Variants in CSMD1 observed in about 807,000 individuals in gnomAD.
CSMD1 encodes CUB and Sushi multiple domains 1.
Under a neutral mutation model 417.5 loss-of-function variants are expected in CSMD1, and 213 were observed. The ratio of observed to expected loss-of-function variants is 0.51; its 90% CI spans 0.46 to 0.57. The LOEUF (loss-of-function observed/expected upper bound fraction) is 0.57, where lower values mean the gene tolerates loss of function less well. Ranked by LOEUF, CSMD1 falls within the 20% of genes least tolerant of loss-of-function variation. CSMD1 has a pLI of 0.00. For missense variants in CSMD1, 6,923 were observed against 4,529.7 expected (o/e 1.53, Z -15.17); for synonymous variants, 2,862 against 1,736.8 (o/e 1.65, Z -16.11).
intron 3 of CSMD1, among the ~76,000 whole-genome samples, chr8:4,245,966 G>C (rs1321050932): frequency 6.6e-6 from 1 of 152,088 alleles, no homozygotes; most frequent in Non-Finnish European, 1.5e-5. Flanking sequence ...CAATCTATCA[G>C]GGCCGTGGAC....
Position 4,912,135 on chromosome 8 carries a change from A to AAAAAAAAG in CSMD1, c.85+82196_85+82197insCTTTTTTT, listed in dbSNP as rs765904838. Reference sequence around the variant, plus strand: ...TCAACATAGCTTCAAAAAAAAAAAAAAAAAAAGAAAGAAAGAAAAGAAAAG... The same window carrying AAAAAAAAG: ...TCAACATAGCTTCAAAAAAAAAAAAAAAAAAAAGAAAAAAGAAAGAAAGAAAAGAAAAG... On this transcript the variant is annotated intron_variant, in intron 1 of 69. Transcript: ENST00000635120. Among the ~76,000 whole-genome samples, 22 of 115,648 alleles carry AAAAAAAAG rather than the reference A, an allele frequency of 1.9e-4. 1 individual carries two copies. The highest frequency in any genetic ancestry group is 4.4e-4 in the East Asian group (2 of 4,530). 75.9% of individuals were successfully genotyped at this position (115,648 alleles called of 152,430 possible).
intron 1 of CSMD1, among the ~76,000 whole-genome samples, chr8:4,929,015 G>C (rs187507564): frequency 6.6e-6 from 1 of 152,254 alleles, no homozygotes; most frequent in Non-Finnish European, 1.5e-5. Context: ...AGGTTGCAGT[G>C]AGCCGAGATT....
chr8:4,047,277 G>A (rs960992561), intron 3 of CSMD1, among the ~76,000 whole-genome samples: 1 of 152,156 alleles, frequency 6.6e-6, no homozygotes, highest in East Asian at 1.9e-4. Flanking sequence ...TCTGGAGTGG[G>A]AGGAAGGGAG....
intron 7 of CSMD1, among the ~76,000 whole-genome samples, chr8:3,625,050 G>C (rs148011140): frequency 1.3e-3 from 196 of 150,492 alleles, no homozygotes; most frequent in Non-Finnish European, 2.2e-3. Context: ...CATCCTACGA[G>C]ACATTTCTAC....
In CSMD1 at chr8:4,120,609, A is replaced by G. The variant is rs1802432084; in HGVS notation, c.416-88510T>C. ...TGTGGCCTCACACTTTTGGGTGCCA[A>G]ATAGACAGTCTGTGTACCTGCCACT... On this transcript the variant is annotated intron_variant, in intron 3 of 69. Coordinates refer to ENST00000635120, the MANE Select transcript of CSMD1 (RefSeq NM_033225.6). 3.3e-5 allele frequency among the ~76,000 whole-genome samples: 5 copies of G among 152,214 alleles called. No individual in the cohort carries two copies. The South Asian group carries it at 8.3e-4, about 25-fold the overall frequency.
chr8:4,673,510 A>G (rs1805480986), intron 1 of CSMD1, among the ~76,000 whole-genome samples: 1 of 152,144 alleles, frequency 6.6e-6, no homozygotes, highest in Middle Eastern at 3.2e-3. Context: ...TTTTGTTGGA[A>G]GAGTTTCCTA....
At chr8:4,308,151 C>A (rs115917621) in intron 3 of CSMD1, among the ~76,000 whole-genome samples, 6 of 152,234 alleles carry the variant, frequency 3.9e-5, no homozygotes, top group African/African-American at 1.4e-4. Context: ...GAAACAAGAG[C>A]GTTTCTTCGA....
chr8:4,236,359 A>G (rs189047030), intron 3 of CSMD1, among the ~76,000 whole-genome samples: 2 of 152,236 alleles, frequency 1.3e-5, no homozygotes, highest in Non-Finnish European at 2.9e-5. Flanking sequence ...CCAAGATTTC[A>G]TCCCCACTCG....
At chr8:4,480,898 T>A (rs1423221747) in intron 2 of CSMD1, among the ~76,000 whole-genome samples, 2 of 152,168 alleles carry the variant, frequency 1.3e-5, no homozygotes, top group Admixed American at 6.5e-5. Context: ...CTGGGGTACA[T>A]CCCTAGTTGT....
intron 26 of CSMD1, among the ~76,000 whole-genome samples, chr8:3,247,883 A>T (rs1003492704): frequency 6.6e-6 from 1 of 152,212 alleles, no homozygotes; most frequent in African/African-American, 2.4e-5. Context: ...ATCTCCATGG[A>T]ATCCATGCAT....
At chr8:3,751,982 G>C (rs903311542) in intron 6 of CSMD1, among the ~76,000 whole-genome samples, 34 of 152,274 alleles carry the variant, frequency 2.2e-4, no homozygotes, top group African/African-American at 8.2e-4. Context: ...TCTGGTACGG[G>C]ATGGACATAT....
rs540551617 is a variant in CSMD1 at position 4,020,607 on chromosome 8, C to G, written c.610+11298G>C. Among the ~76,000 whole-genome samples, 3 of 152,262 alleles carry G rather than the reference C, an allele frequency of 2.0e-5. No individual in the cohort carries two copies. The East Asian group carries it at 5.8e-4, about 29-fold the overall frequency. On this transcript the variant is annotated intron_variant, in intron 4 of 69. Transcript: ENST00000635120. ...CTCCAATTCTCTTATGGTAAGAGATCAAAACTGCTAGGTCCCTAGAATCAC... is the reference window on the plus strand; with the variant it reads ...CTCCAATTCTCTTATGGTAAGAGATGAAAACTGCTAGGTCCCTAGAATCAC...
intron 5 of CSMD1, among the ~76,000 whole-genome samples, chr8:3,757,502 G>A (rs766085606): frequency 2.2e-4 from 33 of 152,116 alleles, no homozygotes; most frequent in Non-Finnish European, 4.4e-5. Context: ...GCCACTCTTA[G>A]CTGATGGGCC....
intron 1 of CSMD1, among the ~76,000 whole-genome samples, chr8:4,785,729 T>C (rs987939035): frequency 6.6e-6 from 1 of 152,138 alleles, no homozygotes; most frequent in African/African-American, 2.4e-5. Context: ...ATAGAGCACA[T>C]CTTACTCTCA....
At chr8:2,976,654 T>G (rs1804956517) in intron 55 of CSMD1, among the ~76,000 whole-genome samples, 2 of 152,224 alleles carry the variant, frequency 1.3e-5, no homozygotes, top group Non-Finnish European at 2.9e-5. Context: ...TGGCCTCCAC[T>G]TTCTTTATGG....
intron 2 of CSMD1, among the ~76,000 whole-genome samples, chr8:4,490,664 C>G (rs1247839317): frequency 6.6e-6 from 1 of 152,024 alleles, no homozygotes; most frequent in African/African-American, 2.4e-5. Context: ...TCAGAATGGT[C>G]TTAATATACA....
intron 1 of CSMD1, among the ~76,000 whole-genome samples, chr8:4,704,877 C>A (rs543026072): frequency 2.6e-5 from 4 of 152,112 alleles, no homozygotes; most frequent in Non-Finnish European, 4.4e-5. Flanking sequence ...CTCCAAAAAC[C>A]CTATGGTAAA....
intron 12 of CSMD1, among the ~76,000 whole-genome samples, chr8:3,421,439 A>C (rs1813482562): frequency 6.6e-6 from 1 of 152,250 alleles, no homozygotes; most frequent in South Asian, 2.1e-4. Context: ...AAGAAAAGAG[A>C]AACATCATTC....
chr8:3,586,381 T>C, intron 8 of CSMD1, 121 bp from the exon 9 acceptor site: 2 of 913,668 alleles, frequency 2.2e-6, no homozygotes, highest in Admixed American at 3.0e-5. Context: ...GCCTAAGACA[T>C]TAAGCAACTC....
Sources: gnomAD v4.1 joint callset for allele counts (sites outside exome capture counted in the v4.1 genomes callset) on GRCh38, gnomAD v4.1.1 for gene constraint, MANE v1.5 for transcripts, NCBI Gene and HGNC (gene_info 2026-07-23, HGNC 2026-07-21) for gene names.